Variants in ACSM2B observed in about 807,000 individuals in gnomAD.
The protein encoded by ACSM2B is acyl-CoA synthetase medium chain family member 2B.
ACSM2B carries 58 observed loss-of-function variants against 78.6 expected under a neutral mutation model. The observed-to-expected ratio is 0.74, with a 90% CI of 0.60 to 0.92. ACSM2B has a LOEUF of 0.92. ACSM2B is among the 40% of genes least tolerant of loss of function. ACSM2B has a pLI of 0.00. For missense variants in ACSM2B, 688 were observed against 711.2 expected, an observed-to-expected ratio of 0.97 and a Z score of 0.37; for synonymous variants, 257 against 256.8, an observed-to-expected ratio of 1.00 and a Z score of -0.01.
intron 9 of ACSM2B, 82 bp downstream of exon 9, chr16:20,546,312 A>T (rs7499358): frequency 0.036 from 54,024 of 1,511,892 alleles, 2,178 homozygotes; most frequent in East Asian, 0.19. Flanking sequence ...ATTATTTTTG[A>T]CTCAATAAAC....
chr16:20,545,241 G>T lies in ACSM2B; in HGVS notation c.1197C>A (p.Gly399=), dbSNP rs543578532. 3.2e-5 allele frequency: 51 copies of T among 1,613,740 alleles called. 2 individuals are homozygous for T. The South Asian group carries it at 5.3e-4, about 17-fold the overall frequency. The stretch of plus-strand genomic sequence containing the variant: ...CTTCTGTGCCGGGGGGCAGGACGTT[G>T]CCCTTATCATCTATAACCTGGAGAA... ...CYDVQVIDDK[G]NVLPPGTEGD... is the part of the protein sequence containing the mutation. The change falls in exon 10 of 14, where the codon GGC becomes GGA. Residue 399 remains glycine (G), a synonymous_variant. Coordinates refer to ENST00000329697, the MANE Select transcript of ACSM2B (RefSeq NM_001105069.2).
rs574757135 is a variant in ACSM2B, at chr16:20,543,048, C to A, written c.1410-35G>T. 5.5e-4 allele frequency: 886 copies of A among 1,613,338 alleles called. 15 individuals carry two copies. In the South Asian group the frequency reaches 8.8e-3, roughly 16 times the overall value. ...AACCTGTCCTTCAGAGAACACTGGA[C>A]ACCGAACCTCTAGGCCATTCCGGAA... On this transcript the variant is annotated intron_variant, in intron 11 of 13. Transcript: ENST00000329697.
At chr16:20,551,662 A>G (rs1419046140) in intron 6 of ACSM2B, among the ~76,000 whole-genome samples, 1 of 152,120 alleles carries the variant, frequency 6.6e-6, no homozygotes, top group Non-Finnish European at 1.5e-5. Flanking sequence ...TAACACAGCT[A>G]AATTATTTTC....
intron 10 of ACSM2B, among the ~76,000 whole-genome samples, chr16:20,543,869 T>C (rs2015066696): frequency 6.6e-6 from 1 of 152,198 alleles, no homozygotes; most frequent in Non-Finnish European, 1.5e-5. Flanking sequence ...GGATTATATA[T>C]GGTGGCATAA....
intron 10 of ACSM2B, among the ~76,000 whole-genome samples, chr16:20,544,161 A>T (rs1427545535): frequency 1.3e-5 from 2 of 152,206 alleles, no homozygotes; most frequent in African/African-American, 4.8e-5. Flanking sequence ...GTGGGACCTC[A>T]CAAAGGAAAT....
chr16:20,543,809 A>G (rs576271983), intron 10 of ACSM2B, among the ~76,000 whole-genome samples: 3 of 152,088 alleles, frequency 2.0e-5, no homozygotes, highest in Non-Finnish European at 4.4e-5. Flanking sequence ...GCATCTTCCT[A>G]TCTGACTCAG....
chr16:20,566,681 A>ATACTATATATAGTATATACT (rs1567218261), intron 1 of ACSM2B, among the ~76,000 whole-genome samples: 6 of 3,192 alleles, frequency 1.9e-3, no homozygotes, highest in Non-Finnish European at 3.7e-3. Flanking sequence ...ATATACATAT[A>ATACTATATATAGTATATACT]GTATATACTA....
chr16:20,569,715 T>G (rs1277143875), intron 1 of ACSM2B, among the ~76,000 whole-genome samples: 1 of 152,048 alleles, frequency 6.6e-6, no homozygotes, highest in Non-Finnish European at 1.5e-5. Flanking sequence ...GCATAGGATG[T>G]GTTCCCATTT....
At chr16:20,545,284 A>T in intron 9 of ACSM2B, 26 bp from the exon 10 acceptor site, 1 of 1,608,374 alleles carries the variant, frequency 6.2e-7, no homozygotes, top group Non-Finnish European at 8.5e-7. Context: ...TATTGGAAGA[A>T]TGACGCACAC....
At chr16:20,539,168 C>CT (rs2014923130) in intron 13 of ACSM2B, among the ~76,000 whole-genome samples, 1 of 144,244 alleles carries the variant, frequency 6.9e-6, no homozygotes, top group South Asian at 2.4e-4. Flanking sequence ...ACCTCACCGT[C>CT]TGCTCAGTTC....
At chr16:20,559,130 G>T in intron 3 of ACSM2B, 107 bp downstream of exon 3, 1 of 1,474,186 alleles carries the variant, frequency 6.8e-7, no homozygotes, top group South Asian at 1.4e-5. Context: ...AGAGAGGACA[G>T]CATGCTCCAA....
chr16:20,565,510 A>T (rs539461473), intron 1 of ACSM2B, among the ~76,000 whole-genome samples: 1 of 152,328 alleles, frequency 6.6e-6, no homozygotes, highest in African/African-American at 2.4e-5. Flanking sequence ...ACTAAAAGCT[A>T]CTAAGATGTA....
intron 5 of ACSM2B, among the ~76,000 whole-genome samples, chr16:20,553,523 A>G (rs971639172): frequency 6.6e-6 from 1 of 152,354 alleles, no homozygotes; most frequent in African/African-American, 2.4e-5. Flanking sequence ...GCCTTTTGCT[A>G]ATCATTCACC....
chr16:20,566,245 G>A (rs2015828961), intron 1 of ACSM2B, among the ~76,000 whole-genome samples: 1 of 49,686 alleles, frequency 2.0e-5, no homozygotes, highest in Non-Finnish European at 3.7e-5. Flanking sequence ...CTTCATGGAA[G>A]ATTATATATA....
intron 5 of ACSM2B, among the ~76,000 whole-genome samples, chr16:20,552,609 C>G (rs1478436590): frequency 6.6e-6 from 1 of 152,088 alleles, no homozygotes; most frequent in Non-Finnish European, 1.5e-5. Flanking sequence ...CATGTGGTAA[C>G]CACCCAGGAA....
intron 13 of ACSM2B, 24 bp downstream of exon 13, chr16:20,540,630 G>A (rs758996666): frequency 1.2e-6 from 2 of 1,611,066 alleles, no homozygotes; most frequent in Non-Finnish European, 1.7e-6. Context: ...AAGTTTGAGT[G>A]ACTTGGGAGC....
chr16:20,566,700 ATATATATAGTATATATAG>A (rs1567218410), intron 1 of ACSM2B, among the ~76,000 whole-genome samples: 634 of 6,590 alleles, frequency 0.096, 91 homozygotes, highest in African/African-American at 0.28. Flanking sequence ...TATATATAGT[ATATATATAGTATATATAG>A]TATATACTAT....
chr16:20,561,974 T>TA (rs1283129596), intron 2 of ACSM2B, among the ~76,000 whole-genome samples: 1 of 146,794 alleles, frequency 6.8e-6, no homozygotes, highest in Admixed American at 6.8e-5. Context: ...TTTGGTTTTT[T>TA]TGTCCTTGCC....
intron 3 of ACSM2B, among the ~76,000 whole-genome samples, chr16:20,558,606 C>T (rs1341143767): frequency 6.6e-6 from 1 of 152,072 alleles, no homozygotes; most frequent in African/African-American, 2.4e-5. Flanking sequence ...TCCTACTCAT[C>T]CTGCAGATCT....
Sources: allele counts gnomAD v4.1 joint callset (sites outside exome capture counted in the v4.1 genomes callset), GRCh38; gene constraint gnomAD v4.1.1; transcripts MANE v1.5; gene names NCBI Gene and HGNC (gene_info 2026-07-23, HGNC 2026-07-21).